KCNH8: variants seen among roughly 807,000 people sequenced by gnomAD.
The protein encoded by KCNH8 is voltage-gated delayed rectifier potassium channel KCNH8.
In KCNH8, 70 loss-of-function variants were observed where a neutral mutation model predicts 103.6. The ratio of observed to expected loss-of-function variants is 0.68; its 90% confidence interval spans 0.56 to 0.82. The LOEUF (loss-of-function observed/expected upper bound fraction) is 0.82, where lower values mean the gene tolerates loss of function less well. Ranked by LOEUF, KCNH8 falls within the 40% of genes least tolerant of loss-of-function variation. The probability of loss-of-function intolerance (pLI) is 0.00; values close to 1 mark genes in which losing one functional copy is unlikely to be tolerated. For synonymous variants in KCNH8, 498 were observed against 489.4 expected (o/e 1.02, Z -0.23); for missense variants, 1,217 against 1,329.9 (o/e 0.92, Z 1.32).
At chr3:19,498,531 T>C (rs184187705) in intron 11 of KCNH8, among the ~76,000 whole-genome samples, 3 of 152,284 alleles carry the variant, frequency 2.0e-5, no homozygotes, top group African/African-American at 7.2e-5. Flanking sequence ...ATAAAATTCT[T>C]GGTGGAAAAT....
chr3:19,165,272 C>T (rs903345208), intron 1 of KCNH8, among the ~76,000 whole-genome samples: 4 of 152,124 alleles, frequency 2.6e-5, no homozygotes, highest in Admixed American at 6.6e-5. Flanking sequence ...TACTTTCACA[C>T]GAACCTAATA....
chr3:19,227,169 GAAA>G (rs2063941843), intron 1 of KCNH8, among the ~76,000 whole-genome samples: 1 of 152,146 alleles, frequency 6.6e-6, no homozygotes, highest in African/African-American at 2.4e-5. Context: ...TTCTAATCTT[GAAA>G]ACCAGACAAG....
chr3:19,356,280 A>G (rs114598766), intron 5 of KCNH8, among the ~76,000 whole-genome samples: 1,671 of 152,086 alleles, frequency 0.011, 14 homozygotes, highest in South Asian at 0.017. Flanking sequence ...TTATTTAAAT[A>G]TGATTAATCC....
chr3:19,358,587 A>G (rs1025798024), intron 5 of KCNH8, among the ~76,000 whole-genome samples: 2 of 151,992 alleles, frequency 1.3e-5, no homozygotes, highest in East Asian at 1.9e-4. Flanking sequence ...TATTGTTTCA[A>G]TGGACTAAAT....
At chr3:19,499,036 C>G (rs2068513736) in intron 11 of KCNH8, among the ~76,000 whole-genome samples, 1 of 152,028 alleles carries the variant, frequency 6.6e-6, no homozygotes, top group Non-Finnish European at 1.5e-5. Flanking sequence ...AAGTTGAGAA[C>G]TTTGAAAAAA....
chr3:19,478,782 A>G (rs2068027059), intron 11 of KCNH8, among the ~76,000 whole-genome samples: 1 of 152,060 alleles, frequency 6.6e-6, no homozygotes, highest in Non-Finnish European at 1.5e-5. Context: ...AATAGAAGTC[A>G]TGTGTCACCC....
chr3:19,496,556 G>A (rs1289418292), intron 11 of KCNH8, among the ~76,000 whole-genome samples: 1 of 152,070 alleles, frequency 6.6e-6, no homozygotes, highest in Admixed American at 6.6e-5. Flanking sequence ...CTTGATCTTG[G>A]TGAATTACCT....
chr3:19,413,578 A>T (rs2066816254), intron 7 of KCNH8, among the ~76,000 whole-genome samples: 1 of 152,138 alleles, frequency 6.6e-6, no homozygotes, highest in South Asian at 2.1e-4. Flanking sequence ...ATTAGAACAG[A>T]GACAATATAC....
At chr3:19,350,816 C>T (rs2065790615) in intron 5 of KCNH8, among the ~76,000 whole-genome samples, 1 of 152,118 alleles carries the variant, frequency 6.6e-6, no homozygotes, top group Admixed American at 6.5e-5. Flanking sequence ...AAAATCAGAG[C>T]ACCTCTTCTC....
At position 19,513,221 on chromosome 3, in the gene KCNH8, C is replaced by T. The variant is rs769756860; in HGVS notation, c.2331C>T (p.Thr777=). ...IRVSRSNSPK[T]KQEIDPPNHN... ...TCTCCAGGTCAAATTCCCCCAAAAC[C>T]AAGCAGGAAATTGACCCCCCCAACC... Residue 777 remains threonine, a synonymous_variant, in exon 13 of 16, where the codon ACC becomes ACT. Transcript: ENST00000328405. 5.6e-6 allele frequency: 9 copies of T among 1,613,728 alleles called. No individual in the cohort carries two copies. The highest frequency in any genetic ancestry group is 1.6e-4 in the Middle Eastern group (1 of 6,082).
At chr3:19,283,408 C>T (rs2064783032) in intron 3 of KCNH8, among the ~76,000 whole-genome samples, 4 of 152,034 alleles carry the variant, frequency 2.6e-5, no homozygotes, top group African/African-American at 9.7e-5. Context: ...AAAATATCAA[C>T]AAAACACTTT....
At chr3:19,239,634 G>GAATC (rs1387327159) in intron 1 of KCNH8, among the ~76,000 whole-genome samples, 12 of 136,648 alleles carry the variant, frequency 8.8e-5, no homozygotes, top group Admixed American at 3.8e-4. Flanking sequence ...TAGAATGATG[G>GAATC]AATCTATCTA....
intron 3 of KCNH8, among the ~76,000 whole-genome samples, chr3:19,296,262 T>C (rs577251726): frequency 6.0e-4 from 91 of 152,298 alleles, no homozygotes; most frequent in African/African-American, 2.0e-3. Context: ...ATGAGAAAAA[T>C]ACCTACAAAC....
At chr3:19,367,797 G>A (rs1034058114) in intron 5 of KCNH8, among the ~76,000 whole-genome samples, 3 of 151,906 alleles carry the variant, frequency 2.0e-5, no homozygotes, top group Non-Finnish European at 4.4e-5. Flanking sequence ...TTCTTAACAA[G>A]TCATGTATAA....
At position 19,456,898 on chromosome 3, in the gene KCNH8, C is replaced by T; in HGVS notation, c.1956C>T (p.Asp652=). The T allele has an allele frequency of 6.2e-7, 1 of 1,612,546 alleles. No individual in the cohort carries two copies. The highest frequency in any genetic ancestry group is 8.5e-7 in the Non-Finnish European group (1 of 1,179,040). ...IILKGLFEVL[D]LYPEYAHKFV... ...TCAAAGGACTCTTTGAAGTGCTAGA[C>T]CTTTACCCAGAATATGCTCACAAAT... Residue 652 remains aspartate, a synonymous_variant, in exon 11 of 16, where the codon GAC becomes GAT. Coordinates refer to ENST00000328405, the MANE Select transcript of KCNH8 (RefSeq NM_144633.3).
intron 7 of KCNH8, among the ~76,000 whole-genome samples, chr3:19,433,953 T>G (rs1490372236): frequency 6.6e-6 from 1 of 152,208 alleles, no homozygotes; most frequent in East Asian, 1.9e-4. Flanking sequence ...ATTTCTTAAA[T>G]TAAAATGTGA....
At chr3:19,457,526 G>A (rs567393837) in intron 11 of KCNH8, among the ~76,000 whole-genome samples, 6 of 152,068 alleles carry the variant, frequency 3.9e-5, no homozygotes, top group African/African-American at 7.2e-5. Flanking sequence ...TGCAAGTTTC[G>A]TATTAGACAA....
chr3:19,185,353 A>G (rs1257250178), intron 1 of KCNH8, among the ~76,000 whole-genome samples: 1 of 151,830 alleles, frequency 6.6e-6, no homozygotes. Flanking sequence ...TGGTTTTAAT[A>G]TGCATTCTTC....
intron 8 of KCNH8, among the ~76,000 whole-genome samples, chr3:19,441,139 C>T (rs1315358020): frequency 1.3e-5 from 2 of 152,106 alleles, no homozygotes; most frequent in Non-Finnish European, 2.9e-5. Flanking sequence ...ATTCTCAGAA[C>T]CAAACTGATT....
Sources: gnomAD v4.1 joint callset for allele counts (sites outside exome capture counted in the v4.1 genomes callset) on GRCh38, gnomAD v4.1.1 for gene constraint, MANE v1.5 for transcripts, NCBI Gene and HGNC (gene_info 2026-07-23, HGNC 2026-07-21) for gene names.